The following HNRNPA2B1 variants were observed in gnomAD, a reference collection of about 807,000 sequenced individuals.
The protein encoded by HNRNPA2B1 is heterogeneous nuclear ribonucleoproteins A2/B1.
HNRNPA2B1 carries 3 observed loss-of-function variants against 46.3 expected under a neutral mutation model. That is an observed-to-expected ratio of 0.06 (90% CI 0.03 to 0.17). The LOEUF (loss-of-function observed/expected upper bound fraction) is 0.17, where lower values mean the gene tolerates loss of function less well. Among genes scored for constraint, HNRNPA2B1 ranks in the 10% least tolerant of loss-of-function variants. HNRNPA2B1 has a pLI of 1.00. For missense variants in HNRNPA2B1, 221 were observed against 418.9 expected (o/e 0.53, Z 4.12); for synonymous variants, 225 against 133.8 (o/e 1.68, Z -4.70).
intron 7 of HNRNPA2B1, 106 bp downstream of exon 7, chr7:26,195,741 G>C (rs1365752133): frequency 2.4e-6 from 3 of 1,252,568 alleles, no homozygotes; most frequent in African/African-American, 1.6e-5. Flanking sequence ...GCCATTTATA[G>C]ACACTAATAT....
At position 26,191,335 on chromosome 7, in the gene HNRNPA2B1, G is replaced by A. The variant is rs1782900448; in HGVS notation, c.*1025C>T. On this transcript the variant is annotated 3_prime_UTR_variant, in exon 11 of 11. Coordinates refer to ENST00000618183, the MANE Select transcript of HNRNPA2B1 (RefSeq NM_002137.4). ...TTTATAGCTATGTTAAACTACGTAA[G>A]AACCACTATACTGAAAGACCATTTA... is the stretch of plus-strand genomic sequence containing the variant. 2 of 152,078 alleles carry A rather than the reference G, an allele frequency of 1.3e-5. No individual in the cohort carries two copies. The highest frequency in any genetic ancestry group is 1.5e-5 in the Non-Finnish European group (1 of 67,994). 9.4% of individuals were successfully genotyped at this position (152,078 alleles called of 1,614,324 possible).
At chr7:26,195,694 A>G in intron 7 of HNRNPA2B1, 153 bp downstream of exon 7, 1 of 786,284 alleles carries the variant, frequency 1.3e-6, no homozygotes, top group Non-Finnish European at 2.0e-6. Context: ...CTAAGATGGC[A>G]AAACTACTTA....
rs946614288 is a variant in HNRNPA2B1 at position 26,190,676 on chromosome 7, G to A, written c.*1684C>T. On this transcript the variant is annotated 3_prime_UTR_variant, in exon 11 of 11. Transcript: ENST00000618183. ...CAGCCAACCTACAACTTTCTCTTCA[G>A]GGTAAGACACTGAACTAGAATTACC... 1.3e-5 allele frequency: 2 copies of A among 152,178 alleles called. No individual in the cohort carries two copies. The highest frequency in any genetic ancestry group is 2.9e-5 in the Non-Finnish European group (2 of 68,006). 9.4% of individuals were successfully genotyped at this position (152,178 alleles called of 1,614,324 possible). A position where few individuals can be genotyped will look rare whatever the true frequency, so the allele number is the denominator to read the frequency against.
At position 26,193,606 on chromosome 7, in the gene HNRNPA2B1, G is replaced by A. The variant is rs776163204; in HGVS notation, c.810C>T (p.Gly270=). The change falls in exon 8 of 11, where the codon GGC becomes GGT. Residue 270 remains glycine (G), a synonymous_variant. Transcript: ENST00000618183. ...GGPGYGNQGG[G]YGGGYDNYGG... The stretch of plus-strand genomic sequence containing the variant: ...CATAGTTGTCATAACCACCTCCGTA[G>A]CCCCCACCCTGGTTGCCATATCCAG... 8 of 1,607,766 alleles carry A rather than the reference G, an allele frequency of 5.0e-6. No homozygotes were observed. Among genetic ancestry groups the A allele is most frequent in the Non-Finnish European group, 6.8e-6 (8 of 1,178,366 alleles).
chr7:26,195,092 C>CAAAAAAAAAAAAAAAAAAAAAAAAAAA (rs11356411), intron 7 of HNRNPA2B1, among the ~76,000 whole-genome samples: 5 of 51,946 alleles, frequency 9.6e-5, no homozygotes, highest in Non-Finnish European at 1.9e-4. Flanking sequence ...GGCTCCGTCT[C>CAAAAAAAAAAAAAAAAAAAAAAAAAAA]AAAAAAAAAA....
rs11356411 is a variant in HNRNPA2B1, at chr7:26,195,092, C to CAAAA, written c.721+751_721+754dup. Reference sequence around the variant, plus strand: ...TGGGTGACAGAGCAAGGCTCCGTCTCAAAAAAAAAAAAAAAAAAGAAACCA... The same window carrying CAAAA: ...TGGGTGACAGAGCAAGGCTCCGTCTCAAAAAAAAAAAAAAAAAAAAAAGAAACCA... On this transcript the variant is annotated intron_variant, in intron 7 of 10. Transcript: ENST00000618183. 5.2e-4 allele frequency among the ~76,000 whole-genome samples: 27 copies of CAAAA among 51,938 alleles called. 1 individual carries two copies. Among genetic ancestry groups the CAAAA allele is most frequent in the African/African-American group, 1.5e-3 (25 of 17,024 alleles). 34.1% of individuals were successfully genotyped at this position (51,938 alleles called of 152,430 possible).
In HNRNPA2B1 at chr7:26,196,056, A is replaced by T. The variant is rs994124737; in HGVS notation, c.659-147T>A. 4 of 1,169,990 alleles carry T rather than the reference A, an allele frequency of 3.4e-6. No homozygotes were observed. In the African/African-American group the frequency reaches 6.3e-5, roughly 18 times the overall value. 72.5% of individuals were successfully genotyped at this position (1,169,990 alleles called of 1,614,324 possible). ...AGTGCTACCAGTTTACCCACAAAAC[A>T]TGAAAGCATATAATTAAATCTACCG... On this transcript the variant is annotated intron_variant, in intron 6 of 10. Transcript: ENST00000618183.
In HNRNPA2B1 at chr7:26,195,914, T is replaced by C. The variant is rs375047300; in HGVS notation, c.659-5A>G. The C allele has an allele frequency of 9.0e-5, 144 of 1,600,246 alleles. No individual in the cohort carries two copies. The highest frequency in any genetic ancestry group is 3.6e-4 in the Admixed American group (20 of 55,240). Reference sequence around the variant, plus strand: ...CACGTCCACTGCCATATCCATCTGTTAGGGGCCAAAAAAAGATTACGTTTA... The same window carrying C: ...CACGTCCACTGCCATATCCATCTGTCAGGGGCCAAAAAAAGATTACGTTTA... On this transcript the variant is annotated splice_region_variant and splice_polypyrimidine_tract_variant and intron_variant, in intron 6 of 10. Transcript: ENST00000618183.
chr7:26,196,300 A>T, intron 6 of HNRNPA2B1, 101 bp downstream of exon 6: 1 of 964,246 alleles, frequency 1.0e-6, no homozygotes, highest in Middle Eastern at 2.2e-4. Flanking sequence ...GTCTTAGGAA[A>T]ATTGACTTAG....
intron 1 of HNRNPA2B1, chr7:26,198,221 G>A (rs1316643855): frequency 5.6e-6 from 1 of 180,058 alleles, no homozygotes; most frequent in Non-Finnish European, 1.1e-5. Flanking sequence ...TATCTGAAAA[G>A]TATCATTTAT....
In HNRNPA2B1 at chr7:26,200,718, T is replaced by G. The variant is rs1037245775; in HGVS notation, c.-141A>C. Reference sequence around the variant, plus strand: ...GAGAAACAACTCTGCGAGGAGCACCTCCGCACGGGACCCGGCGCTGCTGCT... The same window carrying G: ...GAGAAACAACTCTGCGAGGAGCACCGCCGCACGGGACCCGGCGCTGCTGCT... On this transcript the variant is annotated 5_prime_UTR_variant, in exon 1 of 11. Transcript: ENST00000618183. 3 of 1,051,388 alleles carry G rather than the reference T, an allele frequency of 2.9e-6. No individual in the cohort carries two copies. Among genetic ancestry groups the G allele is most frequent in the Non-Finnish European group, 4.4e-6 (3 of 681,652 alleles). 65.1% of individuals were successfully genotyped at this position (1,051,388 alleles called of 1,614,324 possible).
Position 26,200,678 on chromosome 7 carries a change from G to T in HNRNPA2B1, c.-101C>A. The T allele has an allele frequency of 7.0e-7, 1 of 1,438,560 alleles. No homozygotes were observed. Among genetic ancestry groups the T allele is most frequent in the Non-Finnish European group, 9.8e-7 (1 of 1,024,920 alleles). The allele number at this position is 1,438,560 out of a possible 1,614,324, so 89.1% of individuals were successfully genotyped here. A position where few individuals can be genotyped will look rare whatever the true frequency, so the allele number is the denominator to read the frequency against. On this transcript the variant is annotated 5_prime_UTR_variant, in exon 1 of 11. Coordinates refer to ENST00000618183, the MANE Select transcript of HNRNPA2B1 (RefSeq NM_002137.4). The stretch of plus-strand genomic sequence containing the variant: ...CGGACTCGTCCTGGCGCTGTAGTGA[G>T]AACTGCCGCTGCTCGAGAAACAACT...
chr7:26,192,460 GATAATA>G, intron 10 of HNRNPA2B1, 29 bp downstream of exon 10: 2 of 1,397,968 alleles, frequency 1.4e-6, no homozygotes. Context: ...TGTCTCCCAA[GATAATA>G]ATAATTGTAA....
At position 26,197,718 on chromosome 7, in the gene HNRNPA2B1, C is replaced by T. The variant is rs1404554056; in HGVS notation, c.21G>A (p.Gln7=). The T allele has an allele frequency of 6.2e-7, 1 of 1,613,344 alleles. No homozygotes were observed. Among genetic ancestry groups the T allele is most frequent in the Non-Finnish European group, 8.5e-7 (1 of 1,179,496 alleles). The change falls in exon 2 of 11, where the codon CAG becomes CAA. Residue 7 remains glutamine (Q), a synonymous_variant. Transcript: ENST00000618183. ...AGCCACCAATAAAGAGCTTACGGAA[C>T]TGTTCCTTTTCTCTCTGCAAAGGAA... MEREKE[Q]FRKLFIGGLS... is the part of the protein sequence containing the mutation.
chr7:26,195,591 T>C, intron 7 of HNRNPA2B1: 2 of 476,330 alleles, frequency 4.2e-6, no homozygotes, highest in South Asian at 5.0e-5. Context: ...TATATCTAGA[T>C]CCAATCATTT....
chr7:26,198,048 G>A (rs879790252), intron 1 of HNRNPA2B1: 11 of 435,934 alleles, frequency 2.5e-5, no homozygotes, highest in Admixed American at 4.1e-5. Flanking sequence ...ACTTTCTAAG[G>A]AAAAATAAAC....
chr7:26,200,704 C>G lies in HNRNPA2B1; in HGVS notation c.-127G>C. The G allele has an allele frequency of 8.3e-7, 1 of 1,199,122 alleles. No individual in the cohort carries two copies. Among genetic ancestry groups the G allele is most frequent in the Non-Finnish European group, 1.2e-6 (1 of 811,520 alleles). 74.3% of individuals were successfully genotyped at this position (1,199,122 alleles called of 1,614,324 possible). On this transcript the variant is annotated 5_prime_UTR_variant, in exon 1 of 11. Transcript: ENST00000618183. ...AACTGCCGCTGCTCGAGAAACAACT[C>G]TGCGAGGAGCACCTCCGCACGGGAC... is the stretch of plus-strand genomic sequence containing the variant.
intron 2 of HNRNPA2B1, 45 bp downstream of exon 2, chr7:26,197,577 C>T (rs776763930): frequency 1.3e-6 from 2 of 1,563,492 alleles, no homozygotes; most frequent in Non-Finnish European, 8.8e-7. Flanking sequence ...ACTTAACATA[C>T]AGCTAAAAGA....
chr7:26,196,710 G>A (rs1397969730), intron 4 of HNRNPA2B1, 52 bp from the exon 5 acceptor site: 10 of 1,568,682 alleles, frequency 6.4e-6, no homozygotes, highest in South Asian at 3.4e-5. Context: ...ATATTAAGCA[G>A]CTTCAAAAGT....
Sources: allele counts gnomAD v4.1 joint callset (sites outside exome capture counted in the v4.1 genomes callset), GRCh38; gene constraint gnomAD v4.1.1; transcripts MANE v1.5; gene names NCBI Gene and HGNC (gene_info 2026-07-23, HGNC 2026-07-21).